RAVER2: variants seen among roughly 807,000 people sequenced by gnomAD.
RAVER2 encodes ribonucleoprotein, PTB binding 2, also known as ribonucleoprotein PTB-binding 2.
A neutral mutation model predicts 78.1 loss-of-function variants in RAVER2; 46 were observed. The ratio of observed to expected loss-of-function variants is 0.59; its 90% CI spans 0.46 to 0.75. The LOEUF is 0.75. RAVER2 is among the 30% of genes least tolerant of loss of function. The pLI is 0.00. For missense variants in RAVER2, 793 were observed against 837.5 expected (o/e 0.95, Z 0.66); for synonymous variants, 311 against 313.3 (o/e 0.99, Z 0.08).
Position 64,745,301 on chromosome 1 carries a change from C to T in RAVER2, c.129C>T (p.Asp43=). The T allele has an allele frequency of 2.7e-6, 4 of 1,503,994 alleles. No homozygotes were observed. Among genetic ancestry groups the T allele is most frequent in the Non-Finnish European group, 3.6e-6 (4 of 1,124,062 alleles). The allele number at this position is 1,503,994 out of a possible 1,614,324, so 93.2% of individuals were successfully genotyped here. A position where few individuals can be genotyped will look rare whatever the true frequency, so the allele number is the denominator to read the frequency against. Residue 43 remains aspartate, a synonymous_variant, in exon 1 of 12, where the codon GAC becomes GAT. Coordinates refer to ENST00000294428, the Ensembl canonical transcript of RAVER2. This position sits in a 1 kb window ranked among gnomAD's most constrained non-coding sequence, Gnocchi z 4.3. ...CCGAAGCGCACGAGGGCGCCCCGGA[C>T]CCGATGCCCGCCGCGCTGCACCCTG...
chr1:64,818,197 ATGT>A (rs1653799101), intron 11 of RAVER2, among the ~76,000 whole-genome samples: 1 of 152,200 alleles, frequency 6.6e-6, no homozygotes, highest in South Asian at 2.1e-4. Context: ...TCCATTATTG[ATGT>A]TGTTGCTTGT....
intron 4 of RAVER2, among the ~76,000 whole-genome samples, chr1:64,782,920 C>T (rs1432159540): frequency 6.6e-6 from 1 of 152,160 alleles, no homozygotes; most frequent in Non-Finnish European, 1.5e-5. Flanking sequence ...GTGATGTTCC[C>T]CATCCTGTGT....
At position 64,797,913 on chromosome 1, in the gene RAVER2, T is replaced by G. The variant is rs575132080; in HGVS notation, c.1106-5063T>G. 1.3e-3 allele frequency among the ~76,000 whole-genome samples: 185 copies of G among 145,998 alleles called. 1 individual carries two copies. In the Middle Eastern group the frequency reaches 0.014, roughly 11 times the overall value. On this transcript the variant is annotated intron_variant, in intron 5 of 11. Coordinates refer to ENST00000294428, the Ensembl canonical transcript of RAVER2. ...AATGTGTGACTTTAAAGTAATGTAG[T>G]TTTTTTTTTTCTTTTTTTTTTTATT...
intron 5 of RAVER2, among the ~76,000 whole-genome samples, chr1:64,800,033 A>G (rs1178712359): frequency 6.6e-6 from 1 of 151,454 alleles, no homozygotes; most frequent in African/African-American, 2.4e-5. Flanking sequence ...ACATTTTTTC[A>G]TATACTTGTT....
rs1654105514 is a variant in RAVER2 at position 64,830,691 on chromosome 1, A to C, written c.1930-148A>C. The C allele has an allele frequency of 6.0e-6, 4 of 670,730 alleles. No homozygotes were observed. In the South Asian group the frequency reaches 8.4e-5, roughly 14 times the overall value. 41.5% of individuals were successfully genotyped at this position (670,730 alleles called of 1,614,324 possible). A position where few individuals can be genotyped will look rare whatever the true frequency, so the allele number is the denominator to read the frequency against. Reference sequence around the variant, plus strand: ...GAAATTTAAAAGTCTTATTTAACAAAGGGGTTTGTGTATTTTTTGATAGTT... The same window carrying C: ...GAAATTTAAAAGTCTTATTTAACAACGGGGTTTGTGTATTTTTTGATAGTT... On this transcript the variant is annotated intron_variant, in intron 11 of 11. Coordinates refer to ENST00000294428, the Ensembl canonical transcript of RAVER2.
In RAVER2 at chr1:64,807,201, T is replaced by C. The variant is rs1437686001; in HGVS notation, c.1412-5T>C. On this transcript the variant is annotated splice_polypyrimidine_tract_variant and splice_region_variant and intron_variant, in intron 8 of 11. Coordinates refer to ENST00000294428, the Ensembl canonical transcript of RAVER2. Reference sequence around the variant, plus strand: ...AAAGCTTTTTGCATTTATGGTTTGCTACAGCATCTAGCCTGATTCCAACTC... The same window carrying C: ...AAAGCTTTTTGCATTTATGGTTTGCCACAGCATCTAGCCTGATTCCAACTC... The C allele has an allele frequency of 6.2e-7, 1 of 1,605,012 alleles. No homozygotes were observed. Among genetic ancestry groups the C allele is most frequent in the Non-Finnish European group, 8.5e-7 (1 of 1,172,674 alleles).
intron 10 of RAVER2, 28 bp downstream of exon 10, chr1:64,812,877 T>A (rs374606179): frequency 4.6e-5 from 69 of 1,489,896 alleles, no homozygotes; most frequent in Non-Finnish European, 5.2e-5. Context: ...ATTCTTGTTG[T>A]GGAGTTTTAC....
chr1:64,755,724 GT>G (rs753375050), intron 1 of RAVER2, among the ~76,000 whole-genome samples: 1,412 of 60,440 alleles, frequency 0.023, 2 homozygotes, highest in Middle Eastern at 0.043. Flanking sequence ...ATGCTTCATA[GT>G]TTTTTTTTTT....
chr1:64,783,944 C>G (rs1309350282), intron 4 of RAVER2, among the ~76,000 whole-genome samples: 1 of 152,234 alleles, frequency 6.6e-6, no homozygotes, highest in Non-Finnish European at 1.5e-5. Context: ...CTTAATTTTC[C>G]ATTTCCCTCT....
intron 5 of RAVER2, among the ~76,000 whole-genome samples, chr1:64,801,523 T>C (rs1421029966): frequency 6.6e-6 from 1 of 150,450 alleles, no homozygotes; most frequent in Non-Finnish European, 1.5e-5. Flanking sequence ...ATCCTCCCTT[T>C]TTTTTTTTTT....
chr1:64,816,077 G>A (rs1276518969), intron 11 of RAVER2: 1 of 151,978 alleles, frequency 6.6e-6, no homozygotes, highest in Non-Finnish European at 1.5e-5. Context: ...TTTATAAACA[G>A]GAGAAGCACA....
chr1:64,773,207 C>T (rs1322768560), intron 2 of RAVER2, among the ~76,000 whole-genome samples: 1 of 151,894 alleles, frequency 6.6e-6, no homozygotes, highest in Admixed American at 6.6e-5. Context: ...TTTTAATATA[C>T]TTAAAGTTCT....
At chr1:64,818,076 T>C (rs1653795921) in intron 11 of RAVER2, among the ~76,000 whole-genome samples, 1 of 152,196 alleles carries the variant, frequency 6.6e-6, no homozygotes, top group Non-Finnish European at 1.5e-5. Flanking sequence ...AGAGAAACTG[T>C]GTAGGCTGCT....
chr1:64,787,180 A>G (rs1652805039), intron 4 of RAVER2, among the ~76,000 whole-genome samples: 1 of 152,072 alleles, frequency 6.6e-6, no homozygotes, highest in African/African-American at 2.4e-5. Context: ...TTTCCTATTC[A>G]TAATTCTGCT....
At chr1:64,826,562 G>A (rs1419036113) in intron 11 of RAVER2, among the ~76,000 whole-genome samples, 1 of 152,204 alleles carries the variant, frequency 6.6e-6, no homozygotes, top group Non-Finnish European at 1.5e-5. Context: ...TGATGTCACA[G>A]TGGGGTCGGG....
chr1:64,763,252 A>G (rs534687407), intron 1 of RAVER2, among the ~76,000 whole-genome samples: 1 of 151,492 alleles, frequency 6.6e-6, no homozygotes, highest in Non-Finnish European at 1.5e-5. Flanking sequence ...AGCCGAGATC[A>G]TGCCACTGCA....
chr1:64,777,664 A>G (rs777042339), exon 3 of RAVER2: 2 of 1,613,920 alleles, frequency 1.2e-6, no homozygotes, highest in Non-Finnish European at 1.7e-6. Flanking sequence ...CCAGAACGCA[A>G]TTCAGATGTT....
chr1:64,792,300 G>C (rs558465789), intron 5 of RAVER2, among the ~76,000 whole-genome samples: 1 of 152,256 alleles, frequency 6.6e-6, no homozygotes, highest in African/African-American at 2.4e-5. Flanking sequence ...GATGTGCACA[G>C]ACACAAACAT....
intron 8 of RAVER2, among the ~76,000 whole-genome samples, chr1:64,806,685 G>A (rs1382070809): frequency 2.6e-5 from 4 of 152,186 alleles, no homozygotes; most frequent in Admixed American, 2.6e-4. Flanking sequence ...CTTGATAGCT[G>A]GGAAGAGATG....
Sources: allele counts gnomAD v4.1 joint callset (sites outside exome capture counted in the v4.1 genomes callset), GRCh38; gene constraint gnomAD v4.1.1; non-coding constraint Gnocchi (gnomAD v3.1); transcripts MANE v1.5; gene names NCBI Gene and HGNC (gene_info 2026-07-23, HGNC 2026-07-21).